Variants in TTC12 observed in about 807,000 individuals in gnomAD.
TTC12 encodes tetratricopeptide repeat protein 12.
In TTC12, 70 loss-of-function variants were observed where a neutral mutation model predicts 90.1. That is an observed-to-expected ratio of 0.78 (90% confidence interval 0.64 to 0.95). The LOEUF is 0.95. Ranked by LOEUF, TTC12 falls within the 40% of genes least tolerant of loss-of-function variation. The probability of loss-of-function intolerance (pLI) is 0.00; values close to 1 mark genes in which losing one functional copy is unlikely to be tolerated. For missense variants in TTC12, 819 were observed against 846.1 expected, an observed-to-expected ratio of 0.97 and a Z score of 0.40; for synonymous variants, 296 against 311.5, an observed-to-expected ratio of 0.95 and a Z score of 0.53.
chr11:113,325,553 G>A lies in TTC12; in HGVS notation c.352G>A (p.Ala118Thr), dbSNP rs1555140701. The A allele has an allele frequency of 1.9e-6, 3 of 1,613,938 alleles. No individual in the cohort carries two copies. The East Asian group carries it at 6.7e-5, about 36-fold the overall frequency. Reference protein sequence around the residue: ...ALKEKGNEAFAEGNYETAILR... With the variant: ...ALKEKGNEAFTEGNYETAILR... ...AAAAGAAAAAGGGAATGAAGCATTT[G>A]CTGAAGGCAATTATGAAACAGCTAT... The change falls in exon 6 of 22, where the codon GCT becomes ACT. Residue 118 changes from alanine to threonine, a missense_variant. Transcript: ENST00000529221.
chr11:113,340,122 C>G (rs1337131213), intron 10 of TTC12, among the ~76,000 whole-genome samples: 1 of 152,218 alleles, frequency 6.6e-6, no homozygotes, highest in Non-Finnish European at 1.5e-5. Flanking sequence ...TTCTCTTTTA[C>G]TAGCTCTTGT....
intron 12 of TTC12, among the ~76,000 whole-genome samples, chr11:113,342,677 C>A (rs1345613790): frequency 6.6e-6 from 1 of 151,036 alleles, no homozygotes; most frequent in South Asian, 2.1e-4. Context: ...TTTTTTTCTT[C>A]TTTAGTAGAG....
At chr11:113,372,398 T>C (rs1047731840) in intron 21 of TTC12, among the ~76,000 whole-genome samples, 3 of 152,218 alleles carry the variant, frequency 2.0e-5, no homozygotes, top group African/African-American at 7.2e-5. Context: ...TTCATTATGC[T>C]GTACGCCTTC....
In TTC12 at chr11:113,344,499, A is replaced by C. The variant is rs1343331230; in HGVS notation, c.1154+59A>C. The C allele has an allele frequency of 1.1e-5, 17 of 1,530,722 alleles. No individual in the cohort carries two copies. The Admixed American group carries it at 1.8e-4, about 16-fold the overall frequency. 94.8% of individuals were successfully genotyped at this position (1,530,722 alleles called of 1,614,324 possible). A position where few individuals can be genotyped will look rare whatever the true frequency, so the allele number is the denominator to read the frequency against. ...TCTCATGTCATCACTTGACAAGTTC[A>C]GGCATGCCTGTCTCCCCTCCTATCT... On this transcript the variant is annotated intron_variant, in intron 13 of 21. Transcript: ENST00000529221.
Position 113,339,366 on chromosome 11 carries a change from A to G in TTC12, c.718A>G (p.Asn240Asp). ...EAHELLDSGK[N>D]TAVTTKNLLE... Reference sequence around the variant, plus strand: ...CCACGAACTGCTGGATTCAGGAAAGAACACAGCCGTGACCACCAAGAACCT... The same window carrying G: ...CCACGAACTGCTGGATTCAGGAAAGGACACAGCCGTGACCACCAAGAACCT... The change falls in exon 10 of 22, where the codon AAC becomes GAC. Residue 240 changes from asparagine (N) to aspartate (D), a missense_variant. Transcript: ENST00000529221. The G allele has an allele frequency of 6.2e-7, 1 of 1,614,126 alleles. No homozygotes were observed. Among genetic ancestry groups the G allele is most frequent in the Non-Finnish European group, 8.5e-7 (1 of 1,180,024 alleles).
chr11:113,340,839 C>T (rs986455681), intron 11 of TTC12, 106 bp downstream of exon 11: 31 of 950,052 alleles, frequency 3.3e-5, no homozygotes, highest in Non-Finnish European at 4.7e-5. Context: ...TGAACATTAC[C>T]CCCCTTCAGT....
At chr11:113,344,612 G>A (rs973885167) in intron 13 of TTC12, among the ~76,000 whole-genome samples, 172 bp downstream of exon 13, 9 of 152,334 alleles carry the variant, frequency 5.9e-5, no homozygotes, top group Middle Eastern at 3.4e-3. Flanking sequence ...ACTCCTGTCC[G>A]AACTTGGTAC....
chr11:113,334,878 C>A, intron 7 of TTC12, 88 bp from the exon 8 acceptor site: 1 of 1,082,978 alleles, frequency 9.2e-7, no homozygotes, highest in Non-Finnish European at 1.4e-6. Context: ...CAAAGTTTCG[C>A]CTTAACTCTT....
At chr11:113,366,470 C>A, downstream of TTC12, 2 of 1,210,612 alleles carry the variant, frequency 1.7e-6, no homozygotes, top group Non-Finnish European at 1.1e-6. Flanking sequence ...AGGCTGGCTG[C>A]TGTGGTGGGC....
chr11:113,366,832 G>T (rs1386951429), downstream of TTC12, among the ~76,000 whole-genome samples: 1 of 152,200 alleles, frequency 6.6e-6, no homozygotes, highest in Non-Finnish European at 1.5e-5. Context: ...GTGGTAGGTG[G>T]TGTCTCCCCT....
intron 16 of TTC12, among the ~76,000 whole-genome samples, chr11:113,353,729 C>G (rs77585239): frequency 3.9e-5 from 6 of 152,118 alleles, no homozygotes; most frequent in Non-Finnish European, 7.4e-5. Context: ...AATCCTTTCC[C>G]CATTGCTTGT....
intron 7 of TTC12, among the ~76,000 whole-genome samples, 156 bp downstream of exon 7, chr11:113,330,135 T>C (rs1591539841): frequency 6.6e-6 from 1 of 152,112 alleles, no homozygotes; most frequent in Admixed American, 6.6e-5. Context: ...GTTAGGAGGG[T>C]CACGACAATG....
At chr11:113,336,766 A>C (rs1335958463) in intron 8 of TTC12, among the ~76,000 whole-genome samples, 5 of 152,130 alleles carry the variant, frequency 3.3e-5, no homozygotes, top group Admixed American at 3.3e-4. Flanking sequence ...GCTTTGTATT[A>C]AGTTGAGAAG....
downstream of TTC12, among the ~76,000 whole-genome samples, chr11:113,370,752 A>G (rs563249518): frequency 6.6e-6 from 1 of 152,304 alleles, no homozygotes; most frequent in South Asian, 2.1e-4. Context: ...AGATCTCCCC[A>G]GTTCTGGAGC....
intron 13 of TTC12, among the ~76,000 whole-genome samples, chr11:113,345,151 C>T (rs187595204): frequency 1.3e-5 from 2 of 152,134 alleles, no homozygotes; most frequent in Non-Finnish European, 2.9e-5. Flanking sequence ...CTTATTAGAT[C>T]TAAAAGGTTG....
intron 8 of TTC12, among the ~76,000 whole-genome samples, chr11:113,336,112 T>G (rs1948357246): frequency 6.6e-6 from 1 of 152,176 alleles, no homozygotes; most frequent in Non-Finnish European, 1.5e-5. Flanking sequence ...ATAGCTATTC[T>G]AGTGGGTGTG....
intron 19 of TTC12, 27 bp downstream of exon 19, chr11:113,362,529 C>G (rs1262684395): frequency 1.4e-6 from 2 of 1,452,738 alleles, no homozygotes; most frequent in Non-Finnish European, 1.9e-6. Flanking sequence ...GGTTACAACC[C>G]CTGAAATGTA....
intron 21 of TTC12, 82 bp downstream of exon 21, chr11:113,365,142 A>T: frequency 8.0e-7 from 1 of 1,256,170 alleles, no homozygotes; most frequent in Non-Finnish European, 1.1e-6. Flanking sequence ...CTGGGACTGC[A>T]TGCCACACAG....
chr11:113,340,734 G>A lies in TTC12; in HGVS notation c.896+1G>A, dbSNP rs782729025. 1.9e-6 allele frequency: 3 copies of A among 1,612,842 alleles called. No homozygotes were observed. In the South Asian group the frequency reaches 3.3e-5, roughly 18 times the overall value. ...TCAGTGACAACGAGGTCATAAGAAG[G>A]TAGGGATGTTCATAGAGACAGCCCA... On this transcript the variant is annotated splice_donor_variant, in intron 11 of 21. Transcript: ENST00000529221. LOFTEE classifies it high-confidence loss of function.
Sources: allele counts gnomAD v4.1 joint callset (sites outside exome capture counted in the v4.1 genomes callset), GRCh38; gene constraint gnomAD v4.1.1; transcripts MANE v1.5; gene names NCBI Gene and HGNC (gene_info 2026-07-23, HGNC 2026-07-21).